The following POU3F3 variants were observed in gnomAD, a reference collection of about 807,000 sequenced individuals.
POU3F3 encodes the protein POU class 3 homeobox 3.
In POU3F3, 1 loss-of-function variant was observed where a neutral mutation model predicts 8.6. The ratio of observed to expected loss-of-function variants is 0.12; its 90% confidence interval spans 0.04 to 0.55. The LOEUF (loss-of-function observed/expected upper bound fraction) is 0.55. Ranked by LOEUF, POU3F3 falls within the 20% of genes least tolerant of loss-of-function variation. POU3F3 has a pLI of 0.91. For missense variants in POU3F3, 577 were observed against 690.7 expected (o/e 0.84, Z 1.84); for synonymous variants, 418 against 327.4 (o/e 1.28, Z -2.99).
the POU3F3 span, among the ~76,000 whole-genome samples, chr2:104,863,883 G>C: frequency 6.6e-6 from 1 of 152,240 alleles, no homozygotes; most frequent in Non-Finnish European, 1.5e-5. Flanking sequence ...AGACACCGAG[G>C]TCTAGGCAGC....
At chr2:104,886,593 T>C in the POU3F3 span, among the ~76,000 whole-genome samples, 2 of 152,188 alleles carry the variant, frequency 1.3e-5, no homozygotes. Context: ...GTTCGTAAAG[T>C]GAAAGCAAGT....
At chr2:104,869,275 T>C in the POU3F3 span, among the ~76,000 whole-genome samples, 1 of 152,370 alleles carries the variant, frequency 6.6e-6, no homozygotes, top group Admixed American at 6.5e-5. Flanking sequence ...GGACAGGTTC[T>C]GAACAATGTG....
the POU3F3 span, among the ~76,000 whole-genome samples, chr2:104,870,411 G>A: frequency 9.9e-5 from 15 of 152,218 alleles, no homozygotes; most frequent in African/African-American, 3.4e-4. Flanking sequence ...GTCACTAGCA[G>A]CTCAGGTTTC....
chr2:104,899,589 C>A, the POU3F3 span, among the ~76,000 whole-genome samples: 1 of 152,132 alleles, frequency 6.6e-6, no homozygotes, highest in Non-Finnish European at 1.5e-5. Context: ...GAGAAGATTT[C>A]TTGGTAATGA....
chr2:104,858,941 A>C (rs1676623989), downstream of POU3F3, among the ~76,000 whole-genome samples: 2 of 152,088 alleles, frequency 1.3e-5, no homozygotes, highest in Admixed American at 1.3e-4. Context: ...ATTAATGGTT[A>C]ATACAGCCCC....
the POU3F3 span, among the ~76,000 whole-genome samples, chr2:104,898,203 G>A: frequency 8.5e-4 from 130 of 152,304 alleles, 1 homozygote; most frequent in Non-Finnish European, 1.5e-3. Flanking sequence ...GCAGTCTGCA[G>A]CCTGGAAGGA....
At chr2:104,922,668 A>G in the POU3F3 span, among the ~76,000 whole-genome samples, 1 of 152,196 alleles carries the variant, frequency 6.6e-6, no homozygotes, top group East Asian at 1.9e-4. Context: ...GGACACTACC[A>G]AGTGGGCCAA....
At chr2:104,898,320 G>A in the POU3F3 span, among the ~76,000 whole-genome samples, 1 of 152,180 alleles carries the variant, frequency 6.6e-6, no homozygotes, top group Admixed American at 6.5e-5. Flanking sequence ...AGTGTATAAT[G>A]CTTTGTCATA....
chr2:104,904,089 G>A, the POU3F3 span, among the ~76,000 whole-genome samples: 15 of 152,166 alleles, frequency 9.9e-5, no homozygotes, highest in Admixed American at 3.9e-4. Context: ...TGGGGATGAA[G>A]CATTTGCAAA....
chr2:104,910,481 C>T, the POU3F3 span, among the ~76,000 whole-genome samples: 3 of 152,168 alleles, frequency 2.0e-5, no homozygotes, highest in Admixed American at 6.5e-5. Context: ...ACAGGCAGAT[C>T]GTGTAAACTC....
chr2:104,926,390 C>G, the POU3F3 span, among the ~76,000 whole-genome samples: 1 of 152,180 alleles, frequency 6.6e-6, no homozygotes, highest in Non-Finnish European at 1.5e-5. Flanking sequence ...AAATGCAAAT[C>G]AAAACCACAA....
chr2:104,886,230 G>A, the POU3F3 span, among the ~76,000 whole-genome samples: 1 of 152,110 alleles, frequency 6.6e-6, no homozygotes, highest in East Asian at 1.9e-4. Flanking sequence ...ACAGTCATGT[G>A]ATGCGTAACA....
At chr2:104,872,145 C>T in the POU3F3 span, 1 of 438,226 alleles carries the variant, frequency 2.3e-6, no homozygotes, top group African/African-American at 2.0e-5. This position sits in a 1 kb window ranked among gnomAD's most constrained non-coding sequence, Gnocchi z 4.6. Flanking sequence ...TCAAAACCCC[C>T]TGGAGAACTT....
the POU3F3 span, chr2:104,867,412 AC>A: frequency 6.6e-6 from 1 of 152,230 alleles, no homozygotes; most frequent in Non-Finnish European, 1.5e-5. The surrounding 1 kb of genome is among the most constrained non-coding windows in gnomAD (Gnocchi z 5.0). Context: ...CAAAACTAGT[AC>A]TAAGGATCTT....
chr2:104,871,178 C>T, the POU3F3 span, among the ~76,000 whole-genome samples: 1 of 152,178 alleles, frequency 6.6e-6, no homozygotes, highest in Non-Finnish European at 1.5e-5. Flanking sequence ...ATTCTGCATC[C>T]AAACCAAGTA....
chr2:104,855,548 A>G lies in POU3F3; in HGVS notation c.38A>G (p.Asn13Ser). ...GCTTCTAACCCCTACCTGCCGGGGAACAGCCTGCTCGCGGCCGGCTCTATT... is the reference window on the plus strand; with the variant it reads ...GCTTCTAACCCCTACCTGCCGGGGAGCAGCCTGCTCGCGGCCGGCTCTATT... ...TAASNPYLPGNSLLAAGSIVH... is the reference protein window; with the variant it reads ...TAASNPYLPGSSLLAAGSIVH... Residue 13 changes from asparagine to serine, a missense_variant, in exon 1 of 1, where the codon AAC (asparagine) becomes AGC (serine). Physicochemically the swap from Asn to Ser is conservative, Grantham distance 46. This residue lies in a region of POU3F3 where 484 missense variants were observed against 422.6 expected (regional missense o/e 1.15). Transcript: ENST00000361360. 4 of 1,030,854 alleles carry G rather than the reference A, an allele frequency of 3.9e-6. No individual in the cohort carries two copies. The highest frequency in any genetic ancestry group is 2.9e-5 in the South Asian group (1 of 34,774). 63.9% of individuals were successfully genotyped at this position (1,030,854 alleles called of 1,614,324 possible).
the POU3F3 span, among the ~76,000 whole-genome samples, chr2:104,900,592 G>A: frequency 1.1e-4 from 16 of 152,048 alleles, no homozygotes; most frequent in Non-Finnish European, 1.5e-4. Flanking sequence ...TTCCCCTGTC[G>A]TCTTTTCATA....
At chr2:104,913,191 CT>C in the POU3F3 span, among the ~76,000 whole-genome samples, 128 of 146,060 alleles carry the variant, frequency 8.8e-4, no homozygotes, top group South Asian at 7.4e-3. Flanking sequence ...GGCCTGTTGG[CT>C]TTTTTTTTTT....
the POU3F3 span, among the ~76,000 whole-genome samples, chr2:104,922,597 G>T: frequency 6.6e-6 from 1 of 152,076 alleles, no homozygotes; most frequent in Non-Finnish European, 1.5e-5. Flanking sequence ...AAGTTAAGAC[G>T]AATGAAATTA....
Sources: gnomAD v4.1 joint callset for allele counts (sites outside exome capture counted in the v4.1 genomes callset) on GRCh38, gnomAD v4.1.1 for gene constraint, gnomAD v4.1.1 regional missense constraint, Gnocchi (gnomAD v3.1) non-coding constraint, MANE v1.5 for transcripts, NCBI Gene and HGNC (gene_info 2026-07-23, HGNC 2026-07-21) for gene names.